The following TNFSF8 variants were observed in gnomAD, a reference collection of about 807,000 sequenced individuals.
TNFSF8 encodes TNF superfamily member 8, also known as tumor necrosis factor ligand superfamily member 8.
Under a neutral mutation model 22.0 loss-of-function variants are expected in TNFSF8, and 4 were observed. The observed-to-expected ratio is 0.18, with a 90% confidence interval of 0.09 to 0.42. The LOEUF (loss-of-function observed/expected upper bound fraction) is 0.42. Among genes scored for constraint, TNFSF8 ranks in the 10% least tolerant of loss-of-function variants. The pLI is 1.00. For synonymous variants in TNFSF8, 106 were observed against 112.5 expected, an observed-to-expected ratio of 0.94 and a Z score of 0.37; for missense variants, 233 against 281.8, an observed-to-expected ratio of 0.83 and a Z score of 1.24.
intron 4 of TNFSF8, chr9:114,894,204 G>A: frequency 6.7e-7 from 1 of 1,482,450 alleles, no homozygotes; most frequent in Non-Finnish European, 9.1e-7. Context: ...ATATCGGCAG[G>A]AGAGATGTGA....
chr9:114,921,446 C>G (rs1427935868), intron 1 of TNFSF8, among the ~76,000 whole-genome samples: 1 of 152,202 alleles, frequency 6.6e-6, no homozygotes, highest in Non-Finnish European at 1.5e-5. Context: ...TTCCACTGCC[C>G]TAGGAGAGAT....
At chr9:114,908,508 C>G (rs1338530748) in intron 2 of TNFSF8, among the ~76,000 whole-genome samples, 1 of 152,180 alleles carries the variant, frequency 6.6e-6, no homozygotes, top group African/African-American at 2.4e-5. Flanking sequence ...CTCCTTACCC[C>G]TTATGGCAGG....
intron 2 of TNFSF8, among the ~76,000 whole-genome samples, chr9:114,917,284 A>T (rs1827931485): frequency 6.6e-6 from 1 of 152,222 alleles, no homozygotes; most frequent in Admixed American, 6.5e-5. Context: ...TAAAGGTTAC[A>T]GGACTGAGAT....
downstream of TNFSF8, among the ~76,000 whole-genome samples, chr9:114,900,148 A>AAT (rs1254401631): frequency 1.3e-5 from 2 of 152,230 alleles, no homozygotes; most frequent in Non-Finnish European, 2.9e-5. Flanking sequence ...TGGCTCAGAG[A>AAT]ATAGCCTAGT....
At chr9:114,925,188 A>T (rs1222043036) in intron 1 of TNFSF8, among the ~76,000 whole-genome samples, 1 of 152,134 alleles carries the variant, frequency 6.6e-6, no homozygotes, top group African/African-American at 2.4e-5. Context: ...GACAGAAATG[A>T]TCTCATGGCA....
In TNFSF8 at chr9:114,923,191, C is replaced by T. The variant is rs189589050; in HGVS notation, c.196-5053G>A. ...GGCCCTACCATTCCTCTCCTCACAC[C>T]TGGGCTTGCCTTCTTATGGGCTGTG... On this transcript the variant is annotated intron_variant, in intron 1 of 3. Transcript: ENST00000223795. 2.6e-5 allele frequency among the ~76,000 whole-genome samples: 4 copies of T among 152,262 alleles called. No individual in the cohort carries two copies. In the East Asian group the frequency reaches 5.8e-4, roughly 22 times the overall value.
chr9:114,911,437 A>G (rs1827850853), intron 2 of TNFSF8, among the ~76,000 whole-genome samples: 1 of 152,202 alleles, frequency 6.6e-6, no homozygotes, highest in African/African-American at 2.4e-5. Flanking sequence ...TTTGGATTCA[A>G]AGTGAGTCCT....
rs1258319478 is a variant in TNFSF8, at chr9:114,918,150, G to T, written c.196-12C>A. 6.3e-7 allele frequency: 1 copy of T among 1,597,264 alleles called. No homozygotes were observed. ...TTGGGAATGGAGTCCTGGAAGAAAA[G>T]AAAGAAAAAAGCAGCATGAGGTGTG... is the stretch of plus-strand genomic sequence containing the variant. On this transcript the variant is annotated splice_polypyrimidine_tract_variant and intron_variant, in intron 1 of 3. Transcript: ENST00000223795.
chr9:114,896,173 A>G (rs1447135690), downstream of TNFSF8, among the ~76,000 whole-genome samples: 1 of 152,204 alleles, frequency 6.6e-6, no homozygotes, highest in African/African-American at 2.4e-5. Flanking sequence ...TGTTCTTCAG[A>G]TTGTAAGGTG....
At chr9:114,923,478 T>TTCTCTTTCTTTCTTTC (rs376484064) in intron 1 of TNFSF8, among the ~76,000 whole-genome samples, 16 of 105,676 alleles carry the variant, frequency 1.5e-4, no homozygotes, top group Non-Finnish European at 3.0e-4. Context: ...TTTTCTTTCT[T>TTCTCTTTCTTTCTTTC]TTTCTTTCTT....
rs573907870 is a variant in TNFSF8 at position 114,926,953 on chromosome 9, A to G, written c.195+3156T>C. The stretch of plus-strand genomic sequence containing the variant: ...ATATATCAATATATTATAAAATATT[A>G]AATAACATAAAATATTATTTTATAA... On this transcript the variant is annotated intron_variant, in intron 1 of 3. Transcript: ENST00000223795. Among the ~76,000 whole-genome samples, 31 of 147,106 alleles carry G rather than the reference A, an allele frequency of 2.1e-4. No individual in the cohort carries two copies. The South Asian group carries it at 6.5e-3, about 31-fold the overall frequency.
chr9:114,901,643 T>C lies in TNFSF8; in HGVS notation c.*2288A>G. 1 of 985,438 alleles carries C rather than the reference T, an allele frequency of 1.0e-6. No individual in the cohort carries two copies. The highest frequency in any genetic ancestry group is 1.2e-6 in the Non-Finnish European group (1 of 829,932). The allele number at this position is 985,438 out of a possible 1,614,324, so 61.0% of individuals were successfully genotyped here. On this transcript the variant is annotated 3_prime_UTR_variant, in exon 4 of 4. Transcript: ENST00000223795. Reference sequence around the variant, plus strand: ...GTGTGTGACTCAAATGCCAGCCATTTCCCTGTTTTTTTAGCCTTGAGTCTC... The same window carrying C: ...GTGTGTGACTCAAATGCCAGCCATTCCCCTGTTTTTTTAGCCTTGAGTCTC...
chr9:114,904,349 A>G (rs978980509), intron 3 of TNFSF8, 24 bp from the exon 4 acceptor site: 2 of 1,563,272 alleles, frequency 1.3e-6, no homozygotes, highest in Non-Finnish European at 1.7e-6. Flanking sequence ...TATAGAAAAC[A>G]GAATTATTGA....
Position 114,904,200 on chromosome 9 carries a change from G to T in TNFSF8, c.436C>A (p.Gln146Lys). The T allele has an allele frequency of 6.2e-7, 1 of 1,614,164 alleles. No homozygotes were observed. Among genetic ancestry groups the T allele is most frequent in the East Asian group, 2.2e-5 (1 of 44,892 alleles). Residue 146 changes from glutamine (Q) to lysine (K), a missense_variant, in exon 4 of 4, where the codon CAG (glutamine) becomes AAG (lysine). Physicochemically the swap from Gln to Lys is moderately conservative, Grantham distance 53. Coordinates refer to ENST00000223795, the MANE Select transcript of TNFSF8 (RefSeq NM_001244.4). Reference protein sequence around the residue: ...PGLYFIICQLQFLVQCPNNSV... With the variant: ...PGLYFIICQLKFLVQCPNNSV... ...TTATTTGGGCATTGTACAAGAAACT[G>T]CAGTTGGCAAATGATGAAGTACAAA...
downstream of TNFSF8, among the ~76,000 whole-genome samples, chr9:114,899,344 TA>T (rs201280924): frequency 3.8e-3 from 563 of 146,952 alleles, 15 homozygotes; most frequent in African/African-American, 0.014. Flanking sequence ...AGTAAGTTAT[TA>T]TTTTTTTTTT....
intron 1 of TNFSF8, among the ~76,000 whole-genome samples, chr9:114,929,308 G>C (rs1279307442): frequency 6.6e-6 from 1 of 151,786 alleles, no homozygotes; most frequent in Non-Finnish European, 1.5e-5. Context: ...GAACATCAGA[G>C]AGAACAGGTG....
intron 2 of TNFSF8, among the ~76,000 whole-genome samples, chr9:114,915,490 C>T (rs1827907505): frequency 1.3e-5 from 2 of 152,124 alleles, no homozygotes; most frequent in Admixed American, 6.5e-5. Context: ...TGTTGACTTG[C>T]ATTAAAAGCA....
chr9:114,916,211 C>T (rs570322462), intron 2 of TNFSF8, among the ~76,000 whole-genome samples: 71 of 152,210 alleles, frequency 4.7e-4, no homozygotes, highest in Non-Finnish European at 8.5e-4. Context: ...AATGAAGGAC[C>T]GTCTCAGAGG....
chr9:114,908,882 C>A (rs1827817348), intron 2 of TNFSF8, among the ~76,000 whole-genome samples: 1 of 152,118 alleles, frequency 6.6e-6, no homozygotes, highest in South Asian at 2.1e-4. Context: ...GAGAAGGGCA[C>A]AGCCTCTGTC....
Sources: gnomAD v4.1 joint callset for allele counts (sites outside exome capture counted in the v4.1 genomes callset) on GRCh38, gnomAD v4.1.1 for gene constraint, MANE v1.5 for transcripts, NCBI Gene and HGNC (gene_info 2026-07-23, HGNC 2026-07-21) for gene names.